MED13L: variants seen among roughly 807,000 people sequenced by gnomAD.
MED13L encodes the protein mediator of RNA polymerase II transcription subunit 13-like.
In MED13L, 7 loss-of-function variants were observed where a neutral mutation model predicts 220.9. The ratio of observed to expected loss-of-function variants is 0.03; its 90% CI spans 0.02 to 0.06. The LOEUF (loss-of-function observed/expected upper bound fraction) is 0.06, where lower values mean the gene tolerates loss of function less well. MED13L is among the 10% of genes least tolerant of loss of function. MED13L has a pLI of 1.00. For missense variants in MED13L, 1,965 were observed against 2,760.5 expected (o/e 0.71, Z 6.46); for synonymous variants, 1,011 against 1,015.2 (o/e 1.00, Z 0.08).
At chr12:116,234,997 A>G (rs1185235704) in intron 2 of MED13L, among the ~76,000 whole-genome samples, 3 of 152,162 alleles carry the variant, frequency 2.0e-5, no homozygotes, top group African/African-American at 7.2e-5. Flanking sequence ...AATGACTCAA[A>G]TATATTAGAG....
chr12:116,000,212 C>A (rs1157859621), intron 14 of MED13L, among the ~76,000 whole-genome samples: 1 of 152,132 alleles, frequency 6.6e-6, no homozygotes, highest in Non-Finnish European at 1.5e-5. Flanking sequence ...CAAAGGGAAT[C>A]GGACTCAAAG....
At chr12:116,198,009 C>T (rs906868425) in intron 2 of MED13L, among the ~76,000 whole-genome samples, 8 of 152,068 alleles carry the variant, frequency 5.3e-5, no homozygotes, top group African/African-American at 1.9e-4. Context: ...TTAGCAAACA[C>T]CTATGAATGC....
chr12:116,070,583 CT>C (rs1465015714), intron 4 of MED13L, among the ~76,000 whole-genome samples: 1 of 152,140 alleles, frequency 6.6e-6, no homozygotes, highest in Non-Finnish European at 1.5e-5. Flanking sequence ...TAGCACCACA[CT>C]AAGGATCTAA....
intron 2 of MED13L, among the ~76,000 whole-genome samples, chr12:116,127,344 T>C (rs988730879): frequency 2.0e-5 from 3 of 152,206 alleles, no homozygotes; most frequent in African/African-American, 7.2e-5. Context: ...TATGAGATAA[T>C]AGGTTAAAAG....
chr12:116,096,190 C>T (rs1395257432), intron 4 of MED13L, among the ~76,000 whole-genome samples: 1 of 151,054 alleles, frequency 6.6e-6, no homozygotes, highest in East Asian at 1.9e-4. Context: ...CCCATCTCTA[C>T]CAAAAATACA....
intron 30 of MED13L, 115 bp from the exon 31 acceptor site, chr12:115,961,513 C>T (rs890110584): frequency 3.6e-6 from 5 of 1,395,746 alleles, no homozygotes; most frequent in Admixed American, 1.9e-5. Flanking sequence ...CATTCCTTAA[C>T]TTGCCCCAGG....
chr12:116,091,766 T>C (rs775751735), intron 4 of MED13L, among the ~76,000 whole-genome samples: 8 of 152,250 alleles, frequency 5.3e-5, no homozygotes, highest in Non-Finnish European at 1.0e-4. Flanking sequence ...TCTAATAGTC[T>C]TTATAGTACA....
intron 2 of MED13L, among the ~76,000 whole-genome samples, chr12:116,139,569 ATAT>A: frequency 6.6e-6 from 1 of 152,312 alleles, no homozygotes; most frequent in East Asian, 1.9e-4. Flanking sequence ...TTACCATAAA[ATAT>A]TATTATAAAA....
chr12:116,032,092 A>T (rs963447187), intron 4 of MED13L, among the ~76,000 whole-genome samples: 7 of 152,182 alleles, frequency 4.6e-5, no homozygotes, highest in Non-Finnish European at 1.0e-4. Flanking sequence ...CTATGGAGAA[A>T]TTTATAGATG....
intron 2 of MED13L, among the ~76,000 whole-genome samples, chr12:116,136,798 CAAGT>C (rs958153285): frequency 1.3e-5 from 2 of 152,084 alleles, no homozygotes; most frequent in Admixed American, 1.3e-4. Flanking sequence ...ATAATATAAT[CAAGT>C]GTTTACATTA....
chr12:116,109,991 T>G (rs995540905), intron 3 of MED13L: 1 of 152,216 alleles, frequency 6.6e-6, no homozygotes, highest in Non-Finnish European at 1.5e-5. Flanking sequence ...GTAACCACCC[T>G]AGCCAATAGT....
chr12:116,078,141 CAA>C (rs924705816), intron 4 of MED13L, among the ~76,000 whole-genome samples: 20 of 58,714 alleles, frequency 3.4e-4, no homozygotes, highest in African/African-American at 9.3e-4. Flanking sequence ...GACTCTGTCT[CAA>C]AAAAAAAAAA....
intron 2 of MED13L, among the ~76,000 whole-genome samples, chr12:116,233,122 T>G (rs1041462908): frequency 1.3e-5 from 2 of 151,362 alleles, no homozygotes; most frequent in African/African-American, 4.8e-5. Context: ...TAAGAAGTAT[T>G]TGTTTGGTAG....
intron 3 of MED13L, among the ~76,000 whole-genome samples, chr12:116,099,861 T>C (rs1872917433): frequency 6.6e-6 from 1 of 152,234 alleles, no homozygotes; most frequent in East Asian, 1.9e-4. Flanking sequence ...GCAGGTCATA[T>C]TTCTTCGTCA....
intron 2 of MED13L, among the ~76,000 whole-genome samples, chr12:116,220,527 C>T (rs1883248554): frequency 6.6e-6 from 1 of 152,140 alleles, no homozygotes; most frequent in East Asian, 1.9e-4. Context: ...GGCGAAACCC[C>T]ATCTCTACTA....
chr12:116,180,147 G>A (rs992125077), intron 2 of MED13L, among the ~76,000 whole-genome samples: 4 of 152,258 alleles, frequency 2.6e-5, no homozygotes, highest in Admixed American at 1.3e-4. Flanking sequence ...GGTACTGCTG[G>A]CATCCAATGG....
intron 4 of MED13L, among the ~76,000 whole-genome samples, chr12:116,044,403 GA>G (rs749889570): frequency 6.6e-6 from 1 of 152,166 alleles, no homozygotes; most frequent in East Asian, 1.9e-4. Context: ...AAGCGCAAGT[GA>G]ATGTTAGCTC....
intron 2 of MED13L, among the ~76,000 whole-genome samples, chr12:116,124,152 C>CAGAGACAGAGAGAGACAGAGAGAGAGAG (rs1875365523): frequency 7.4e-5 from 8 of 108,770 alleles, no homozygotes; most frequent in African/African-American, 2.2e-4. Flanking sequence ...GAGAGAGAGA[C>CAGAGACAGAGAGAGACAGAGAGAGAGAG]AGAGACAGAG....
chr12:116,074,592 T>C (rs911709186), intron 4 of MED13L, among the ~76,000 whole-genome samples: 10 of 152,172 alleles, frequency 6.6e-5, no homozygotes, highest in Non-Finnish European at 1.3e-4. Flanking sequence ...CCAAAGCAAA[T>C]TGTATCTTCT....
Sources: allele counts gnomAD v4.1 joint callset (sites outside exome capture counted in the v4.1 genomes callset), GRCh38; gene constraint gnomAD v4.1.1; transcripts MANE v1.5; gene names NCBI Gene and HGNC (gene_info 2026-07-23, HGNC 2026-07-21).